HTR5A: variants seen among roughly 807,000 people sequenced by gnomAD.
The protein encoded by HTR5A is 5-hydroxytryptamine receptor 5A.
A neutral mutation model predicts 24.3 loss-of-function variants in HTR5A; 21 were observed. The ratio of observed to expected loss-of-function variants is 0.86; its 90% CI spans 0.61 to 1.24. The LOEUF (loss-of-function observed/expected upper bound fraction) is 1.24, where lower values mean the gene tolerates loss of function less well. Among genes scored for constraint, HTR5A ranks in the 50% most tolerant of loss-of-function variants. HTR5A has a pLI of 0.00. For missense variants in HTR5A, 497 were observed against 489.5 expected (o/e 1.02, Z -0.15); for synonymous variants, 260 against 213.7 (o/e 1.22, Z -1.89).
rs193294119 is a variant in HTR5A at position 155,071,700 on chromosome 7, A to T, written c.741+60A>T. The T allele has an allele frequency of 1.6e-3, 2,425 of 1,537,582 alleles. 7 individuals are homozygous for T. Among genetic ancestry groups the T allele is most frequent in the Middle Eastern group, 9.1e-3 (45 of 4,944 alleles). On this transcript the variant is annotated intron_variant, in intron 1 of 1. Coordinates refer to ENST00000287907, the MANE Select transcript of HTR5A (RefSeq NM_024012.4). The stretch of plus-strand genomic sequence containing the variant: ...TTGCATCTGTACAGGCTATATCCCC[A>T]GGCCACCTGCCCCACCCCCACACTT...
chr7:155,074,970 T>A (rs558654263), intron 1 of HTR5A, among the ~76,000 whole-genome samples: 1 of 152,292 alleles, frequency 6.6e-6, no homozygotes, highest in East Asian at 1.9e-4. Context: ...TCTAAGACAA[T>A]TCCCTAATGG....
rs1795482985 is a variant in HTR5A at position 155,086,883 on chromosome 7, A to C, written c.*2396A>C. ...TAAACAGAAGTAATTGCTCAAAATAACTAATTGTGTTCCCGTGCCAGATTG... is the reference window on the plus strand; with the variant it reads ...TAAACAGAAGTAATTGCTCAAAATACCTAATTGTGTTCCCGTGCCAGATTG... On this transcript the variant is annotated 3_prime_UTR_variant, in exon 2 of 2. Transcript: ENST00000287907. 6.6e-6 allele frequency among the ~76,000 whole-genome samples: 1 copy of C among 152,166 alleles called. No homozygotes were observed. Among genetic ancestry groups the C allele is most frequent in the Admixed American group, 6.5e-5 (1 of 15,276 alleles).
intron 1 of HTR5A, among the ~76,000 whole-genome samples, chr7:155,073,091 C>T (rs556492030): frequency 1.3e-5 from 2 of 152,046 alleles, no homozygotes; most frequent in East Asian, 3.9e-4. Flanking sequence ...GAGGCCGAGG[C>T]GGGCAGATCA....
chr7:155,071,575 GCTGC>G lies in HTR5A; in HGVS notation c.678_681del (p.Ala227SerfsTer21). ...CTTCGTGTACTGGAAGATCTACAAGGCTGCCAAGTTCCGCGTGGGCTCCAGGAAG... is the reference window on the plus strand; with the variant it reads ...CTTCGTGTACTGGAAGATCTACAAGGCAAGTTCCGCGTGGGCTCCAGGAAG... On this transcript the variant is annotated frameshift_variant, in exon 1 of 2. Coordinates refer to ENST00000287907, the MANE Select transcript of HTR5A (RefSeq NM_024012.4). LOFTEE classifies it high-confidence loss of function. 6.2e-7 allele frequency: 1 copy of G among 1,614,192 alleles called. No individual in the cohort carries two copies. The highest frequency in any genetic ancestry group is 8.5e-7 in the Non-Finnish European group (1 of 1,180,040).
At position 155,084,285 on chromosome 7, in the gene HTR5A, T is replaced by C. The variant is rs1330246544; in HGVS notation, c.872T>C (p.Ile291Thr). ...QRAALMVGIL[I>T]GVFVLCWIPF... is the part of the protein sequence containing the mutation. ...GCCGCCCTCATGGTGGGCATCCTCA[T>C]TGGCGTGTTCGTGCTCTGCTGGATC... Residue 291 changes from isoleucine to threonine, a missense_variant, in exon 2 of 2, where the codon ATT (isoleucine) becomes ACT (threonine). Ile to Thr is a moderately conservative substitution (Grantham distance 89). Transcript: ENST00000287907. 3.1e-6 allele frequency: 5 copies of C among 1,614,178 alleles called. No individual in the cohort carries two copies. Among genetic ancestry groups the C allele is most frequent in the Non-Finnish European group, 3.4e-6 (4 of 1,180,014 alleles).
At chr7:155,076,258 G>T (rs947921955) in intron 1 of HTR5A, among the ~76,000 whole-genome samples, 2 of 152,140 alleles carry the variant, frequency 1.3e-5, no homozygotes, top group African/African-American at 4.8e-5. Context: ...GAATGGTTTG[G>T]GGTAGCATCA....
chr7:155,071,673 A>G, intron 1 of HTR5A, 33 bp downstream of exon 1: 1 of 1,603,806 alleles, frequency 6.2e-7, no homozygotes, highest in South Asian at 1.1e-5. Context: ...AAAATACTCG[A>G]CTTGCATCTG....
intron 1 of HTR5A, among the ~76,000 whole-genome samples, chr7:155,071,981 T>G (rs184039284): frequency 4.0e-4 from 61 of 152,226 alleles, no homozygotes; most frequent in Admixed American, 1.4e-3. Flanking sequence ...AGCTGGTATC[T>G]GGGGTACGCT....
At chr7:155,083,930 A>T (rs753843153) in intron 1 of HTR5A, among the ~76,000 whole-genome samples, 2 of 152,158 alleles carry the variant, frequency 1.3e-5, no homozygotes, top group African/African-American at 4.8e-5. Flanking sequence ...TGTCAATTTC[A>T]TCACATCTGG....
At chr7:155,073,248 G>C (rs1795317444) in intron 1 of HTR5A, among the ~76,000 whole-genome samples, 1 of 150,156 alleles carries the variant, frequency 6.7e-6, no homozygotes, top group Non-Finnish European at 1.5e-5. Context: ...GTGAACCCGG[G>C]AGGCGGAGCT....
At chr7:155,075,492 C>T (rs1795350392) in intron 1 of HTR5A, among the ~76,000 whole-genome samples, 1 of 152,166 alleles carries the variant, frequency 6.6e-6, no homozygotes, top group Admixed American at 6.5e-5. Context: ...GAAAATCTCC[C>T]AAGTTCTTCT....
chr7:155,073,875 A>ACG (rs1563419480), intron 1 of HTR5A, among the ~76,000 whole-genome samples: 235 of 12,856 alleles, frequency 0.018, 2 homozygotes, highest in African/African-American at 0.023. Flanking sequence ...GTATATATAT[A>ACG]TGTATATATA....
At position 155,071,107 on chromosome 7, in the gene HTR5A, A is replaced by C. The variant is rs1585118281; in HGVS notation, c.208A>C (p.Thr70Pro). ...GCTGGCGACCATCCTCCGTGTACGCACCTTCCACCGCGTGCCCCACAACCT... is the reference window on the plus strand; with the variant it reads ...GCTGGCGACCATCCTCCGTGTACGCCCCTTCCACCGCGTGCCCCACAACCT... ...LVLATILRVR[T>P]FHRVPHNLVA... The change falls in exon 1 of 2, where the codon ACC (threonine) becomes CCC (proline). Residue 70 changes from threonine (T) to proline (P), a missense_variant. Thr to Pro is a conservative substitution (Grantham distance 38). Transcript: ENST00000287907. 6.2e-7 allele frequency: 1 copy of C among 1,606,098 alleles called. No individual in the cohort carries two copies. Among genetic ancestry groups the C allele is most frequent in the Non-Finnish European group, 8.5e-7 (1 of 1,179,838 alleles).
At position 155,073,853 on chromosome 7, in the gene HTR5A, A is replaced by G. The variant is rs886184800; in HGVS notation, c.741+2213A>G. Among the ~76,000 whole-genome samples, 70 of 83,958 alleles carry G rather than the reference A, an allele frequency of 8.3e-4. 3 individuals carry two copies. Among genetic ancestry groups the G allele is most frequent in the Admixed American group, 3.7e-3 (26 of 7,064 alleles). The allele number at this position is 83,958 out of a possible 152,430, so 55.1% of individuals were successfully genotyped here. On this transcript the variant is annotated intron_variant, in intron 1 of 1. Coordinates refer to ENST00000287907, the MANE Select transcript of HTR5A (RefSeq NM_024012.4). ...GATACACACACACATATATATACAT[A>G]TGTGTGTGTGTGTATATATATATGT... is the stretch of plus-strand genomic sequence containing the variant.
At chr7:155,073,998 A>C (rs1795333710) in intron 1 of HTR5A, among the ~76,000 whole-genome samples, 1 of 151,442 alleles carries the variant, frequency 6.6e-6, no homozygotes, top group Non-Finnish European at 1.5e-5. Flanking sequence ...AAAAGGACCC[A>C]AAATAATCCA....
Position 155,075,743 on chromosome 7 carries a change from C to T in HTR5A, c.741+4103C>T, listed in dbSNP as rs149286804. ...TGACTGGCCACAAGGAAACTGAAGGCTATTCTATTCATCATGACTATTTGG... is the reference window on the plus strand; with the variant it reads ...TGACTGGCCACAAGGAAACTGAAGGTTATTCTATTCATCATGACTATTTGG... On this transcript the variant is annotated intron_variant, in intron 1 of 1. Transcript: ENST00000287907. Among the ~76,000 whole-genome samples the T allele has an allele frequency of 5.0e-3, 757 of 152,268 alleles. 4 individuals are homozygous for T. The highest frequency in any genetic ancestry group is 7.1e-3 in the Non-Finnish European group (486 of 68,022).
At chr7:155,078,411 C>A (rs1242164703) in intron 1 of HTR5A, among the ~76,000 whole-genome samples, 6 of 152,126 alleles carry the variant, frequency 3.9e-5, no homozygotes, top group Admixed American at 3.3e-4. Context: ...TTTCTGAAGT[C>A]TATTTTCTAT....
At position 155,071,464 on chromosome 7, in the gene HTR5A, A is replaced by G. The variant is rs1241334529; in HGVS notation, c.565A>G (p.Ser189Gly). 1 of 1,614,106 alleles carries G rather than the reference A, an allele frequency of 6.2e-7. No individual in the cohort carries two copies. Among genetic ancestry groups the G allele is most frequent in the Admixed American group, 1.7e-5 (1 of 60,008 alleles). Residue 189 changes from serine (S) to glycine (G), a missense_variant, in exon 1 of 2, where the codon AGC (serine) becomes GGC (glycine). Transcript: ENST00000287907. ...CTGGGGAGAGACGTACTCTGAGGGC[A>G]GCGAGGAGTGCCAGGTAAGCCGCGA... ...FGWGETYSEGSEECQVSREPS... is the reference protein window; with the variant it reads ...FGWGETYSEGGEECQVSREPS...
chr7:155,076,804 G>A (rs1795363753), intron 1 of HTR5A, among the ~76,000 whole-genome samples: 1 of 152,144 alleles, frequency 6.6e-6, no homozygotes, highest in Non-Finnish European at 1.5e-5. Flanking sequence ...AGATTTAAAG[G>A]CCTAATACCA....
Sources: allele counts gnomAD v4.1 joint callset (sites outside exome capture counted in the v4.1 genomes callset), GRCh38; gene constraint gnomAD v4.1.1; transcripts MANE v1.5; gene names NCBI Gene and HGNC (gene_info 2026-07-23, HGNC 2026-07-21).